The following EYS variants were observed in gnomAD, a reference collection of about 807,000 sequenced individuals.
EYS encodes EGF-like photoreceptor maintenance factor.
In EYS, 250 loss-of-function variants were observed where a neutral mutation model predicts 282.1. That is an observed-to-expected ratio of 0.89 (90% CI 0.80 to 0.98). EYS has a LOEUF of 0.98. Among genes scored for constraint, EYS ranks in the 50% least tolerant of loss-of-function variants. The pLI, the probability that EYS is intolerant of heterozygous loss-of-function variation, is 0.00. For synonymous variants in EYS, 1,355 were observed against 1,282.9 expected, an observed-to-expected ratio of 1.06 and a Z score of -1.20; for missense variants, 4,016 against 3,709.0, an observed-to-expected ratio of 1.08 and a Z score of -2.15.
chr6:64,155,071 T>C (rs911806996), intron 31 of EYS, among the ~76,000 whole-genome samples: 1 of 152,112 alleles, frequency 6.6e-6, no homozygotes, highest in African/African-American at 2.4e-5. Context: ...GTAAGGCCTT[T>C]GGGTAGTCGA....
intron 12 of EYS, among the ~76,000 whole-genome samples, chr6:65,162,165 TACA>T (rs1274462850): frequency 6.6e-6 from 1 of 151,222 alleles, no homozygotes; most frequent in Non-Finnish European, 1.5e-5. Flanking sequence ...TGTATTTGAC[TACA>T]ACACTTGGTC....
chr6:64,437,866 T>G (rs1173079849), intron 27 of EYS, among the ~76,000 whole-genome samples: 1 of 151,208 alleles, frequency 6.6e-6, no homozygotes, highest in Non-Finnish European at 1.5e-5. Context: ...ATTTGCCTAT[T>G]TAAATAATAA....
At chr6:64,832,535 T>C (rs755048819) in intron 19 of EYS, among the ~76,000 whole-genome samples, 5 of 151,858 alleles carry the variant, frequency 3.3e-5, no homozygotes, top group Non-Finnish European at 5.9e-5. Flanking sequence ...ATAGTACCTA[T>C]AGTTACCAAT....
At chr6:64,573,336 G>C (rs927709257) in intron 26 of EYS, among the ~76,000 whole-genome samples, 1 of 152,060 alleles carries the variant, frequency 6.6e-6, no homozygotes, top group Non-Finnish European at 1.5e-5. Context: ...AGAAAACCTA[G>C]GCAATCAATA....
chr6:64,527,026 T>C (rs1323511053), intron 26 of EYS, among the ~76,000 whole-genome samples: 1 of 151,820 alleles, frequency 6.6e-6, no homozygotes, highest in African/African-American at 2.4e-5. Context: ...GAATATTTAG[T>C]AATCCTTTGA....
At chr6:65,334,836 A>G (rs1342193759) in intron 11 of EYS, 144 bp downstream of exon 11, 4 of 660,896 alleles carry the variant, frequency 6.1e-6, no homozygotes, top group African/African-American at 3.7e-5. Flanking sequence ...TAATAACTAT[A>G]TATGTATATG....
chr6:64,659,447 G>C (rs1768904076), intron 22 of EYS, among the ~76,000 whole-genome samples: 3 of 151,948 alleles, frequency 2.0e-5, no homozygotes, highest in Non-Finnish European at 4.4e-5. Flanking sequence ...GAATCCAGGA[G>C]CTGGTTTTTT....
intron 22 of EYS, among the ~76,000 whole-genome samples, chr6:64,801,510 A>G (rs1774552390): frequency 6.7e-6 from 1 of 149,854 alleles, no homozygotes; most frequent in South Asian, 2.1e-4. Flanking sequence ...TTTTAAAAGA[A>G]GAAAAAGCTG....
chr6:64,759,356 A>C (rs372094023), intron 22 of EYS, among the ~76,000 whole-genome samples: 13 of 152,174 alleles, frequency 8.5e-5, no homozygotes, highest in African/African-American at 2.4e-4. Context: ...ATTTGTACAA[A>C]GTCCAATTAA....
intron 1 of EYS, among the ~76,000 whole-genome samples, chr6:65,677,223 A>T (rs1433672091): frequency 6.6e-6 from 1 of 151,644 alleles, no homozygotes; most frequent in East Asian, 1.9e-4. Context: ...AGCTAGAGAA[A>T]TTAGGCAAGA....
intron 32 of EYS, among the ~76,000 whole-genome samples, chr6:64,074,461 A>G (rs1321982204): frequency 2.0e-5 from 3 of 151,290 alleles, no homozygotes; most frequent in Non-Finnish European, 4.4e-5. Flanking sequence ...TTTGCTAAAC[A>G]TGGATACTTT....
Position 65,230,775 on chromosome 6 carries a change from A to G in EYS, c.2023+65088T>C, listed in dbSNP as rs144778874. Among the ~76,000 whole-genome samples the G allele has an allele frequency of 1.1e-4, 17 of 151,748 alleles. No homozygotes were observed. The East Asian group carries it at 3.1e-3, about 28-fold the overall frequency. The stretch of plus-strand genomic sequence containing the variant: ...AATTTGTCTGGAATATCCCTCTTTT[A>G]TATGAGTAGAAATTTTAAAATTTGC... On this transcript the variant is annotated intron_variant, in intron 12 of 42. Transcript: ENST00000503581.
At chr6:64,307,708 A>T (rs1769506780) in intron 29 of EYS, among the ~76,000 whole-genome samples, 1 of 152,110 alleles carries the variant, frequency 6.6e-6, no homozygotes, top group African/African-American at 2.4e-5. Flanking sequence ...AATAGATTTT[A>T]GCTGCTCTTG....
intron 12 of EYS, among the ~76,000 whole-genome samples, chr6:65,280,872 A>G (rs1228073480): frequency 6.8e-6 from 1 of 147,048 alleles, no homozygotes; most frequent in African/African-American, 2.5e-5. Flanking sequence ...AAAAATATAT[A>G]TATATATATA....
At chr6:64,485,293 A>G (rs1270551151) in intron 26 of EYS, among the ~76,000 whole-genome samples, 1 of 151,598 alleles carries the variant, frequency 6.6e-6, no homozygotes, top group African/African-American at 2.4e-5. Flanking sequence ...CCCATGACAG[A>G]AGATTGGGTT....
At chr6:64,672,725 C>T (rs773248647) in intron 22 of EYS, among the ~76,000 whole-genome samples, 9 of 152,130 alleles carry the variant, frequency 5.9e-5, no homozygotes, top group Non-Finnish European at 1.0e-4. Context: ...AGTAACTGCA[C>T]AATCGACAGA....
chr6:64,799,515 C>T (rs1163091742), intron 22 of EYS, among the ~76,000 whole-genome samples: 2 of 151,452 alleles, frequency 1.3e-5, no homozygotes, highest in African/African-American at 4.8e-5. Flanking sequence ...ATTCATATGC[C>T]TTTAGCATAT....
intron 12 of EYS, among the ~76,000 whole-genome samples, chr6:65,111,426 A>G (rs1775208668): frequency 6.6e-6 from 1 of 152,160 alleles, no homozygotes; most frequent in Non-Finnish European, 1.5e-5. Context: ...TAGACAAAAT[A>G]TATATTTATT....
chr6:64,002,108 C>A (rs1187571293), intron 33 of EYS, among the ~76,000 whole-genome samples: 1 of 152,196 alleles, frequency 6.6e-6, no homozygotes, highest in Non-Finnish European at 1.5e-5. Flanking sequence ...GCAGACCAGC[C>A]ACGGTGGAAC....
Sources: gnomAD v4.1 joint callset for allele counts (sites outside exome capture counted in the v4.1 genomes callset) on GRCh38, gnomAD v4.1.1 for gene constraint, MANE v1.5 for transcripts, NCBI Gene and HGNC (gene_info 2026-07-23, HGNC 2026-07-21) for gene names.